The following SVEP1 variants were observed in gnomAD, a reference collection of about 807,000 sequenced individuals.
SVEP1 encodes the protein sushi, von Willebrand factor type A, EGF and pentraxin domain containing 1, also known as sushi, von Willebrand factor type A, EGF and pentraxin domain-containing protein 1.
A neutral mutation model predicts 367.3 loss-of-function variants in SVEP1; 164 were observed. The ratio of observed to expected loss-of-function variants is 0.45; its 90% CI spans 0.39 to 0.51. The LOEUF is 0.51. Ranked by LOEUF, SVEP1 falls within the 20% of genes least tolerant of loss-of-function variation. The probability of loss-of-function intolerance (pLI) is 0.00; values close to 1 mark genes in which losing one functional copy is unlikely to be tolerated. For missense variants in SVEP1, 4,117 were observed against 4,425.3 expected, an observed-to-expected ratio of 0.93 and a Z score of 1.98; for synonymous variants, 1,666 against 1,611.6, an observed-to-expected ratio of 1.03 and a Z score of -0.81.
intron 42 of SVEP1, among the ~76,000 whole-genome samples, chr9:110,386,861 C>A (rs1041501506): frequency 6.6e-6 from 1 of 152,144 alleles, no homozygotes; most frequent in East Asian, 1.9e-4. Context: ...TGTTTTCATT[C>A]GAATGGCTAT....
intron 40 of SVEP1, among the ~76,000 whole-genome samples, chr9:110,390,264 T>TGTATATATACTTATATATACAC (rs1827624223): frequency 1.8e-5 from 2 of 112,240 alleles, no homozygotes; most frequent in Non-Finnish European, 3.7e-5. Flanking sequence ...TATAAGTATG[T>TGTATATATACTTATATATACAC]ATATATATAC....
At chr9:110,436,894 C>G (rs889516866) in intron 27 of SVEP1, among the ~76,000 whole-genome samples, 2 of 152,174 alleles carry the variant, frequency 1.3e-5, no homozygotes, top group Non-Finnish European at 2.9e-5. Flanking sequence ...TTTCTATCAC[C>G]AAATCCAGAG....
In SVEP1 at chr9:110,370,050, A is replaced by ATACT. The variant is rs574101828; in HGVS notation, c.10601-38_10601-35dup. ...AAAAACCCATGCATTTATTTAATTA[A>ATACT]TACTTAGCAATTCTGATGATATCCA... On this transcript the variant is annotated intron_variant, in intron 46 of 47. Coordinates refer to ENST00000374469, the MANE Select transcript of SVEP1 (RefSeq NM_153366.4). 532 of 1,578,882 alleles carry ATACT rather than the reference A, an allele frequency of 3.4e-4. 2 individuals carry two copies. In the South Asian group the frequency reaches 5.4e-3, roughly 16 times the overall value.
intron 2 of SVEP1, among the ~76,000 whole-genome samples, chr9:110,548,309 G>C (rs1830244272): frequency 6.6e-6 from 1 of 152,198 alleles, no homozygotes; most frequent in African/African-American, 2.4e-5. Flanking sequence ...GAGGTTCATA[G>C]TTGTTAAATA....
chr9:110,501,628 T>C (rs540399762), intron 6 of SVEP1, among the ~76,000 whole-genome samples: 40 of 152,174 alleles, frequency 2.6e-4, no homozygotes, highest in Non-Finnish European at 5.1e-4. Flanking sequence ...GAGCATATTT[T>C]TCTTTTGCCA....
chr9:110,377,802 C>T (rs1827373058), intron 44 of SVEP1, among the ~76,000 whole-genome samples: 1 of 152,130 alleles, frequency 6.6e-6, no homozygotes, highest in African/African-American at 2.4e-5. Context: ...CATTGCTGGA[C>T]ATTAGAACTC....
intron 36 of SVEP1, among the ~76,000 whole-genome samples, 169 bp downstream of exon 36, chr9:110,427,422 C>T (rs1317565532): frequency 6.6e-6 from 1 of 151,786 alleles, no homozygotes; most frequent in Non-Finnish European, 1.5e-5. Flanking sequence ...ATATTATTTC[C>T]ACAGGAGAAT....
chr9:110,407,480 C>G lies in SVEP1; in HGVS notation c.8120G>C (p.Gly2707Ala). 1 of 1,614,002 alleles carries G rather than the reference C, an allele frequency of 6.2e-7. No homozygotes were observed. Among genetic ancestry groups the G allele is most frequent in the Non-Finnish European group, 8.5e-7 (1 of 1,179,902 alleles). ...LICQEDGTWN[G>A]SAPSCISIEC... Reference sequence around the variant, plus strand: ...AATTGAAATGCAGGATGGTGCACTGCCATTCCAAGTTCCATCTTCCTGGCA... The same window carrying G: ...AATTGAAATGCAGGATGGTGCACTGGCATTCCAAGTTCCATCTTCCTGGCA... Residue 2707 changes from glycine to alanine, a missense_variant, in exon 38 of 48, where the codon GGC becomes GCC. Around this residue, in one of 4 missense-constraint regions of SVEP1, gnomAD observed 1,765 missense variants for 1,781.1 expected, o/e 0.99. Coordinates refer to ENST00000374469, the MANE Select transcript of SVEP1 (RefSeq NM_153366.4).
At chr9:110,447,737 C>T (rs1326678915) in intron 24 of SVEP1, among the ~76,000 whole-genome samples, 1 of 152,212 alleles carries the variant, frequency 6.6e-6, no homozygotes, top group African/African-American at 2.4e-5. Flanking sequence ...AAATCCATTT[C>T]TTGTTTTCTG....
intron 6 of SVEP1, among the ~76,000 whole-genome samples, chr9:110,499,987 T>C (rs1347706201): frequency 6.6e-6 from 1 of 152,234 alleles, no homozygotes. Context: ...GGCATTATTC[T>C]AAGCACTTTG....
At position 110,411,114 on chromosome 9, in the gene SVEP1, G is replaced by A; in HGVS notation, c.6597C>T (p.Cys2199=). The change falls in exon 37 of 48, where the codon TGC becomes TGT. Residue 2199 remains cysteine (C), a synonymous_variant. Transcript: ENST00000374469. The part of the protein sequence containing the change: ...TGQWSSPIPT[C]HPVSCGEPPK... ...GTGGTTCACCACAAGATACCGGGTG[G>A]CACGTCGGTATAGGACTACTCCACT... 3 of 1,610,052 alleles carry A rather than the reference G, an allele frequency of 1.9e-6. No individual in the cohort carries two copies. Among genetic ancestry groups the A allele is most frequent in the Non-Finnish European group, 1.7e-6 (2 of 1,177,758 alleles).
chr9:110,577,249 A>C (rs1356311297), intron 1 of SVEP1, among the ~76,000 whole-genome samples: 2 of 152,140 alleles, frequency 1.3e-5, no homozygotes, highest in Non-Finnish European at 2.9e-5. Flanking sequence ...AATATGTTGT[A>C]AAGTTACAAT....
At chr9:110,471,248 C>G in intron 16 of SVEP1, 116 bp downstream of exon 16, 1 of 873,790 alleles carries the variant, frequency 1.1e-6, no homozygotes. Context: ...AACAACCACA[C>G]AACAAGAGCA....
intron 36 of SVEP1, among the ~76,000 whole-genome samples, chr9:110,416,715 C>A (rs567069771): frequency 1.3e-5 from 2 of 151,952 alleles, no homozygotes; most frequent in African/African-American, 4.8e-5. Flanking sequence ...CATCTCATAG[C>A]AAAACACTAA....
intron 22 of SVEP1, among the ~76,000 whole-genome samples, chr9:110,453,277 T>G (rs369883801): frequency 6.6e-6 from 1 of 152,074 alleles, no homozygotes; most frequent in Non-Finnish European, 1.5e-5. Flanking sequence ...ATAATAATAT[T>G]ATGGGGTCAT....
At chr9:110,448,504 T>C (rs889949330) in intron 24 of SVEP1, among the ~76,000 whole-genome samples, 5 of 152,238 alleles carry the variant, frequency 3.3e-5, no homozygotes, top group Admixed American at 1.3e-4. Flanking sequence ...GGATCTTTAC[T>C]GGGTCTCTGC....
intron 1 of SVEP1, among the ~76,000 whole-genome samples, chr9:110,563,070 A>G (rs917389103): frequency 6.6e-6 from 1 of 152,212 alleles, no homozygotes; most frequent in African/African-American, 2.4e-5. Flanking sequence ...GAAAGATAAT[A>G]CTGAGAGGTA....
At chr9:110,398,650 AAAAC>A (rs747243581) in intron 40 of SVEP1, among the ~76,000 whole-genome samples, 89 of 152,316 alleles carry the variant, frequency 5.8e-4, no homozygotes, top group Admixed American at 1.8e-3. Context: ...TTATAAGAAA[AAAAC>A]AAACAACCCC....
At chr9:110,389,667 C>G in intron 40 of SVEP1, 80 bp from the exon 41 acceptor site, 1 of 1,536,938 alleles carries the variant, frequency 6.5e-7, no homozygotes, top group Admixed American at 1.8e-5. Flanking sequence ...GTAATCTTAG[C>G]TATGGCCTTG....
Sources: allele counts gnomAD v4.1 joint callset (sites outside exome capture counted in the v4.1 genomes callset), GRCh38; gene constraint gnomAD v4.1.1; regional missense constraint gnomAD v4.1.1; transcripts MANE v1.5; gene names NCBI Gene and HGNC (gene_info 2026-07-23, HGNC 2026-07-21).